RAB11FIP4: variants seen among roughly 807,000 people sequenced by gnomAD.
The protein encoded by RAB11FIP4 is RAB11 family interacting protein 4, also known as rab11 family-interacting protein 4.
Under a neutral mutation model 74.3 loss-of-function variants are expected in RAB11FIP4, and 23 were observed. That is an observed-to-expected ratio of 0.31 (90% CI 0.22 to 0.44). RAB11FIP4 has a LOEUF of 0.44. Among genes scored for constraint, RAB11FIP4 ranks in the 20% least tolerant of loss-of-function variants. The pLI, the probability that RAB11FIP4 is intolerant of heterozygous loss-of-function variation, is 1.00. For synonymous variants in RAB11FIP4, 360 were observed against 359.9 expected, an observed-to-expected ratio of 1.00 and a Z score of 0.00; for missense variants, 630 against 863.9, an observed-to-expected ratio of 0.73 and a Z score of 3.39.
chr17:31,485,239 A>G (rs1460547808), intron 3 of RAB11FIP4, among the ~76,000 whole-genome samples: 3 of 152,216 alleles, frequency 2.0e-5, no homozygotes, highest in African/African-American at 4.8e-5. Flanking sequence ...GGAGTGTTCA[A>G]TGCATCTGTG....
chr17:31,501,242 T>C (rs545209933), intron 3 of RAB11FIP4, among the ~76,000 whole-genome samples: 3 of 150,454 alleles, frequency 2.0e-5, no homozygotes, highest in Non-Finnish European at 4.4e-5. Flanking sequence ...GTCTCTTGAG[T>C]AGGTTCTGGA....
intron 3 of RAB11FIP4, among the ~76,000 whole-genome samples, chr17:31,454,298 G>A (rs2071557233): frequency 6.6e-6 from 1 of 152,208 alleles, no homozygotes; most frequent in Admixed American, 6.5e-5. Flanking sequence ...TTTTGAGATG[G>A]AGTCTCGTTC....
chr17:31,399,011 C>T (rs1228297855), intron 1 of RAB11FIP4, among the ~76,000 whole-genome samples: 1 of 152,196 alleles, frequency 6.6e-6, no homozygotes, highest in African/African-American at 2.4e-5. Context: ...GTGCCCCGGC[C>T]TGGGCAACCT....
In RAB11FIP4 at chr17:31,523,524, C is replaced by A; in HGVS notation, c.942C>A (p.His314Gln). ...SSTAFGRQLM[H>Q]SSNFSSSNGS... ...CCCACCCCTGCAGGCAGCTCATGCA[C>A]AGCAGCAACTTCAGCAGCAGCAATG... is the stretch of plus-strand genomic sequence containing the variant. The change falls in exon 8 of 15, where the codon CAC becomes CAA. Residue 314 changes from histidine (H) to glutamine (Q), a missense_variant. His to Gln is a conservative substitution (Grantham distance 24). Coordinates refer to ENST00000621161, the MANE Select transcript of RAB11FIP4 (RefSeq NM_032932.6). 1.2e-6 allele frequency: 2 copies of A among 1,613,996 alleles called. No homozygotes were observed. Among genetic ancestry groups the A allele is most frequent in the Non-Finnish European group, 1.7e-6 (2 of 1,179,928 alleles).
chr17:31,509,985 A>T (rs1476617919), intron 3 of RAB11FIP4, among the ~76,000 whole-genome samples: 6 of 152,180 alleles, frequency 3.9e-5, no homozygotes, highest in Non-Finnish European at 7.4e-5. Context: ...CCAGCCTTGC[A>T]TCTGCAGAGC....
intron 3 of RAB11FIP4, among the ~76,000 whole-genome samples, chr17:31,463,803 CTTTTTTTTTTT>C (rs60955293): frequency 1.0e-3 from 33 of 32,846 alleles, no homozygotes; most frequent in African/African-American, 1.8e-3. Context: ...TGCGCCTGGA[CTTTTTTTTTTT>C]TTTTTTTTTT....
chr17:31,494,707 C>T (rs1362402085), intron 3 of RAB11FIP4, among the ~76,000 whole-genome samples: 1 of 151,896 alleles, frequency 6.6e-6, no homozygotes, highest in Non-Finnish European at 1.5e-5. Context: ...GAATTCCTGC[C>T]CTCAGGTGAT....
intron 3 of RAB11FIP4, among the ~76,000 whole-genome samples, chr17:31,441,384 A>G (rs1002694897): frequency 1.3e-5 from 2 of 151,926 alleles, no homozygotes; most frequent in Non-Finnish European, 2.9e-5. Flanking sequence ...GGGTGACTAT[A>G]TTTGGAGTTT....
chr17:31,488,285 C>T lies in RAB11FIP4; in HGVS notation c.337-29366C>T, dbSNP rs555892067. On this transcript the variant is annotated intron_variant, in intron 3 of 14. Transcript: ENST00000621161. Reference sequence around the variant, plus strand: ...TCTCGGGAGCCAGGTAAGCGGCGGCCCCGGGGCTGGCGCTCGCAGGGCTCC... The same window carrying T: ...TCTCGGGAGCCAGGTAAGCGGCGGCTCCGGGGCTGGCGCTCGCAGGGCTCC... 6.5e-4 allele frequency: 768 copies of T among 1,176,244 alleles called. 5 individuals are homozygous for T. The African/African-American group carries it at 0.011, about 17-fold the overall frequency. The allele number at this position is 1,176,244 out of a possible 1,614,324, so 72.9% of individuals were successfully genotyped here.
At chr17:31,502,440 G>A (rs1396806953) in intron 3 of RAB11FIP4, among the ~76,000 whole-genome samples, 1 of 151,832 alleles carries the variant, frequency 6.6e-6, no homozygotes, top group African/African-American at 2.4e-5. Flanking sequence ...TTAGCTGGGC[G>A]TGCTGGTGGG....
rs1567681428 is a variant in RAB11FIP4, at chr17:31,505,605, AATAAT to A, written c.337-12045_337-12041del. Among the ~76,000 whole-genome samples the A allele has an allele frequency of 9.3e-4, 48 of 51,802 alleles. No homozygotes were observed. The East Asian group carries it at 0.013, about 14-fold the overall frequency. 34.0% of individuals were successfully genotyped at this position (51,802 alleles called of 152,430 possible). ...TAATAATAATTATATATTATATAAT[AATAAT>A]TATATATAATATATAATTATATAAT... On this transcript the variant is annotated intron_variant, in intron 3 of 14. Coordinates refer to ENST00000621161, the MANE Select transcript of RAB11FIP4 (RefSeq NM_032932.6).
At chr17:31,480,511 C>T (rs2017298) in intron 3 of RAB11FIP4, among the ~76,000 whole-genome samples, 21,162 of 152,098 alleles carry the variant, frequency 0.14, 1,860 homozygotes, top group South Asian at 0.3. Flanking sequence ...TCCCCCTGGC[C>T]GGGTGCGGTG....
chr17:31,518,739 A>G (rs1308153518), intron 4 of RAB11FIP4: 2 of 152,436 alleles, frequency 1.3e-5, no homozygotes, highest in Non-Finnish European at 2.9e-5. Context: ...TAAAAAAACC[A>G]AAAAACAACA....
chr17:31,391,944 AC>A lies in RAB11FIP4; in HGVS notation c.96del (p.Asp33ThrfsTer26). The A allele has an allele frequency of 1.4e-6, 2 of 1,382,792 alleles. No individual in the cohort carries two copies. Among genetic ancestry groups the A allele is most frequent in the Admixed American group, 2.7e-5 (1 of 37,102 alleles). The allele number at this position is 1,382,792 out of a possible 1,614,324, so 85.7% of individuals were successfully genotyped here. A position where few individuals can be genotyped will look rare whatever the true frequency, so the allele number is the denominator to read the frequency against. ...LREVFEVCGR[D>X]PDGFLRVERV... ...GAGGTGTTCGAGGTGTGCGGCCGCG[AC>A]CCCGACGGCTTCCTGCGCGTGGAGC... On this transcript the variant is annotated frameshift_variant, in exon 1 of 15. Transcript: ENST00000621161. LOFTEE classifies it high-confidence loss of function.
chr17:31,450,407 T>C (rs2071515031), intron 3 of RAB11FIP4, among the ~76,000 whole-genome samples: 1 of 151,496 alleles, frequency 6.6e-6, no homozygotes, highest in Admixed American at 6.6e-5. Context: ...TGCAGTGGCG[T>C]GATCTCAGCT....
rs773807485 is a variant in RAB11FIP4 at position 31,530,292 on chromosome 17, G to A, written c.1654-34G>A. ...TTCCAGTGGGCTGTGGATGCCTCTT[G>A]GGGTTGATGTCGCCTTCGTCCTTCT... is the stretch of plus-strand genomic sequence containing the variant. On this transcript the variant is annotated intron_variant, in intron 13 of 14. Coordinates refer to ENST00000621161, the MANE Select transcript of RAB11FIP4 (RefSeq NM_032932.6). The A allele has an allele frequency of 4.3e-6, 7 of 1,610,610 alleles. No individual in the cohort carries two copies. In the South Asian group the frequency reaches 6.6e-5, roughly 15 times the overall value.
intron 1 of RAB11FIP4, among the ~76,000 whole-genome samples, chr17:31,401,322 G>A (rs2070983838): frequency 6.6e-6 from 1 of 151,310 alleles, no homozygotes. Flanking sequence ...TCAGATTCTT[G>A]GAGACTCCCC....
intron 1 of RAB11FIP4, among the ~76,000 whole-genome samples, chr17:31,424,131 C>G (rs2071224930): frequency 6.6e-6 from 1 of 152,174 alleles, no homozygotes; most frequent in Admixed American, 6.5e-5. Context: ...GCTCCTGAGT[C>G]TAGGTCAGGA....
intron 1 of RAB11FIP4, among the ~76,000 whole-genome samples, chr17:31,421,789 C>T (rs1310370844): frequency 6.6e-6 from 1 of 151,910 alleles, no homozygotes; most frequent in East Asian, 1.9e-4. Flanking sequence ...AAACTCCTGA[C>T]CTCAGGTGAT....
Sources: gnomAD v4.1 joint callset for allele counts (sites outside exome capture counted in the v4.1 genomes callset) on GRCh38, gnomAD v4.1.1 for gene constraint, MANE v1.5 for transcripts, NCBI Gene and HGNC (gene_info 2026-07-23, HGNC 2026-07-21) for gene names.